PHYKPL: variants seen among roughly 807,000 people sequenced by gnomAD.
PHYKPL encodes the protein 5-phosphohydroxy-L-lysine phospho-lyase, also known as 5-phosphonooxy-L-lysine phospho-lyase.
Under a neutral mutation model 51.3 loss-of-function variants are expected in PHYKPL, and 42 were observed. That is an observed-to-expected ratio of 0.82 (90% CI 0.64 to 1.06). PHYKPL has a LOEUF of 1.06. PHYKPL is among the 50% of genes least tolerant of loss of function. The pLI is 0.00. For missense variants in PHYKPL, 655 were observed against 586.6 expected (o/e 1.12, Z -1.20); for synonymous variants, 264 against 236.0 (o/e 1.12, Z -1.09).
intron 12 of PHYKPL, chr5:178,210,410 C>G: frequency 6.5e-7 from 1 of 1,547,310 alleles, no homozygotes; most frequent in Non-Finnish European, 8.8e-7. Flanking sequence ...GATTTTGAGC[C>G]TTAGACTTCG....
rs765260281 is a variant in PHYKPL, at chr5:178,224,502, G to A, written c.564C>T (p.Ala188=). Reference sequence around the variant, plus strand: ...CCACACGTTTCACCTCGTTGGCATAGGCCATAGCTGGGTTGGGGTGGTCCT... The same window carrying A: ...CCACACGTTTCACCTCGTTGGCATAAGCCATAGCTGGGTTGGGGTGGTCCT... The part of the protein sequence containing the change: ...YREDHPNPAM[A]YANEVKRVVS... The change falls in exon 6 of 13, where the codon GCC becomes GCT. Residue 188 remains alanine (A), a synonymous_variant. Coordinates refer to ENST00000308158, the MANE Select transcript of PHYKPL (RefSeq NM_153373.4). The A allele has an allele frequency of 1.7e-5, 28 of 1,612,980 alleles. No individual in the cohort carries two copies. Among genetic ancestry groups the A allele is most frequent in the Non-Finnish European group, 2.3e-5 (27 of 1,179,362 alleles).
chr5:178,213,432 T>C (rs569602182), intron 10 of PHYKPL, among the ~76,000 whole-genome samples: 199 of 152,344 alleles, frequency 1.3e-3, no homozygotes, highest in African/African-American at 4.5e-3. Flanking sequence ...TGGTTTTCTG[T>C]GTGGTTTACG....
At chr5:178,207,218 G>C (rs1241400565), downstream of PHYKPL, 1 of 1,614,046 alleles carries the variant, frequency 6.2e-7, no homozygotes. Context: ...ACTGTCAGTG[G>C]AAGCAAGGTA....
chr5:178,218,414 C>T (rs1402751444), intron 8 of PHYKPL, among the ~76,000 whole-genome samples: 1 of 152,084 alleles, frequency 6.6e-6, no homozygotes, highest in African/African-American at 2.4e-5. Flanking sequence ...GAAATCCTAA[C>T]CTCCAATGTG....
At chr5:178,211,063 A>G (rs1174291818) in intron 12 of PHYKPL, 1 of 190,128 alleles carries the variant, frequency 5.3e-6, no homozygotes, top group African/African-American at 2.4e-5. Context: ...ACCTTTTGGG[A>G]ATCTAATGTA....
At chr5:178,220,570 A>G (rs1760959075) in intron 8 of PHYKPL, among the ~76,000 whole-genome samples, 1 of 152,212 alleles carries the variant, frequency 6.6e-6, no homozygotes, top group African/African-American at 2.4e-5. Context: ...ACTACTTTAG[A>G]AAACAAATGT....
intron 8 of PHYKPL, among the ~76,000 whole-genome samples, chr5:178,219,651 C>T (rs1760719050): frequency 6.6e-6 from 1 of 151,916 alleles, no homozygotes; most frequent in South Asian, 2.1e-4. Flanking sequence ...GGGGTTTCAC[C>T]GTGTTAGCCA....
At chr5:178,212,043 C>A in intron 11 of PHYKPL, 73 bp from the exon 12 acceptor site, 1 of 1,530,458 alleles carries the variant, frequency 6.5e-7, no homozygotes, top group East Asian at 2.2e-5. Flanking sequence ...ACTTCAGTGT[C>A]CAAACTGGAG....
chr5:178,225,234 G>C, intron 4 of PHYKPL, 121 bp downstream of exon 4: 1 of 1,151,046 alleles, frequency 8.7e-7, no homozygotes, highest in Admixed American at 2.2e-5. Context: ...TGCCACACTT[G>C]TCTTCAGTAG....
chr5:178,218,216 CAAAAAAAA>C (rs777929826), intron 8 of PHYKPL, among the ~76,000 whole-genome samples: 3 of 58,282 alleles, frequency 5.1e-5, no homozygotes, highest in Non-Finnish European at 8.9e-5. Flanking sequence ...AACTCCGTCT[CAAAAAAAA>C]AAAAAAAAAA....
At position 178,225,391 on chromosome 5, in the gene PHYKPL, T is replaced by A; in HGVS notation, c.377A>T (p.His126Leu). 1 of 1,614,102 alleles carries A rather than the reference T, an allele frequency of 6.2e-7. No individual in the cohort carries two copies. The highest frequency in any genetic ancestry group is 8.5e-7 in the Non-Finnish European group (1 of 1,180,034). ...ANDLALRLAR[H>L]YTGHQDVVVL... ...CACCACGTCCTGGTGTCCCGTGTAGTGGCGAGCCAGCCTCAGGGCCAGGTC... is the reference window on the plus strand; with the variant it reads ...CACCACGTCCTGGTGTCCCGTGTAGAGGCGAGCCAGCCTCAGGGCCAGGTC... Residue 126 changes from histidine to leucine, a missense_variant, in exon 4 of 13, where the codon CAC (histidine) becomes CTC (leucine). Coordinates refer to ENST00000308158, the MANE Select transcript of PHYKPL (RefSeq NM_153373.4).
chr5:178,223,377 G>A, intron 6 of PHYKPL: 1 of 456,884 alleles, frequency 2.2e-6, no homozygotes, highest in Non-Finnish European at 4.4e-6. Context: ...TCTTCTAACT[G>A]AATGCCTTTT....
intron 1 of PHYKPL, 36 bp downstream of exon 1, chr5:178,232,456 C>A (rs1324485870): frequency 2.2e-6 from 3 of 1,376,078 alleles, no homozygotes; most frequent in Non-Finnish European, 1.9e-6. Context: ...TCCGCGCAGC[C>A]CCGCGCCCCC....
At chr5:178,223,368 CTT>C in intron 6 of PHYKPL, 1 of 457,120 alleles carries the variant, frequency 2.2e-6, no homozygotes, top group South Asian at 1.5e-5. Flanking sequence ...CTGCAGAGGT[CTT>C]CTAACTGAAT....
At chr5:178,215,664 A>G (rs920555615) in intron 8 of PHYKPL, 1 of 539,290 alleles carries the variant, frequency 1.9e-6, no homozygotes, top group African/African-American at 1.9e-5. Flanking sequence ...CCTGAAGTAC[A>G]GTAGGAGCCC....
chr5:178,231,809 C>A (rs1221919625), intron 1 of PHYKPL: 5 of 1,391,134 alleles, frequency 3.6e-6, no homozygotes, highest in Non-Finnish European at 4.8e-6. Flanking sequence ...CGTCAGTCTC[C>A]CGGATCCTGA....
chr5:178,212,872 T>A, intron 11 of PHYKPL, 101 bp downstream of exon 11: 1 of 1,504,984 alleles, frequency 6.6e-7, no homozygotes, highest in Non-Finnish European at 9.0e-7. Flanking sequence ...GTGCCTCTGC[T>A]CTTGGACTCT....
intron 12 of PHYKPL, 36 bp downstream of exon 12, chr5:178,211,854 G>T: frequency 6.7e-7 from 1 of 1,484,234 alleles, no homozygotes; most frequent in Non-Finnish European, 9.4e-7. Context: ...GGAACCCGCT[G>T]TGCATCTTCA....
At chr5:178,212,785 CTT>C (rs1561683064) in intron 11 of PHYKPL, among the ~76,000 whole-genome samples, 186 bp downstream of exon 11, 1 of 152,234 alleles carries the variant, frequency 6.6e-6, no homozygotes, top group Non-Finnish European at 1.5e-5. Context: ...AGGAAGCTCT[CTT>C]AGGTACAGGC....
Sources: gnomAD v4.1 joint callset for allele counts (sites outside exome capture counted in the v4.1 genomes callset) on GRCh38, gnomAD v4.1.1 for gene constraint, MANE v1.5 for transcripts, NCBI Gene and HGNC (gene_info 2026-07-23, HGNC 2026-07-21) for gene names.